USP50: variants seen among roughly 807,000 people sequenced by gnomAD.
USP50 encodes ubiquitin specific peptidase 50, also known as ubiquitin carboxyl-terminal hydrolase 50.
USP50 carries 37 observed loss-of-function variants against 39.2 expected under a neutral mutation model. The ratio of observed to expected loss-of-function variants is 0.94; its 90% CI spans 0.73 to 1.24. The LOEUF is 1.24. USP50 is among the 50% of genes most tolerant of loss of function. The pLI, the probability that USP50 is intolerant of heterozygous loss-of-function variation, is 0.00. For missense variants in USP50, 374 were observed against 398.2 expected, an observed-to-expected ratio of 0.94 and a Z score of 0.52; for synonymous variants, 139 against 144.5, an observed-to-expected ratio of 0.96 and a Z score of 0.27.
chr15:50,495,944 G>A (rs1265483948), downstream of USP50: 1 of 1,613,818 alleles, frequency 6.2e-7, no homozygotes, highest in Non-Finnish European at 8.5e-7. Context: ...GCAGCTCAAT[G>A]AGTCTATTAT....
At chr15:50,525,728 TGTATATGTATATA>T (rs1356604965) in intron 6 of USP50, among the ~76,000 whole-genome samples, 50 of 81,470 alleles carry the variant, frequency 6.1e-4, no homozygotes, top group African/African-American at 2.6e-3. Flanking sequence ...TATGTATATA[TGTATATGTATATA>T]ATCTCTCAAA....
chr15:50,530,856 C>A lies in USP50; in HGVS notation c.804-927G>T, dbSNP rs916079067. On this transcript the variant is annotated intron_variant, in intron 5 of 6. Coordinates refer to ENST00000532404, the MANE Select transcript of USP50 (RefSeq NM_203494.5). ...TTTGCTCCAGCTGAGCCTATTTATTCTAACCAAGCTAGCTCAGCTTTTCCT... is the reference window on the plus strand; with the variant it reads ...TTTGCTCCAGCTGAGCCTATTTATTATAACCAAGCTAGCTCAGCTTTTCCT... 3.9e-5 allele frequency among the ~76,000 whole-genome samples: 6 copies of A among 152,244 alleles called. No individual in the cohort carries two copies. The South Asian group carries it at 1.0e-3, about 26-fold the overall frequency.
chr15:50,520,105 A>C (rs1377844351), intron 6 of USP50, among the ~76,000 whole-genome samples: 1 of 152,020 alleles, frequency 6.6e-6, no homozygotes, highest in Non-Finnish European at 1.5e-5. Context: ...CAGTAATTGG[A>C]GACCAGCTAG....
chr15:50,515,960 C>CT (rs2052800434), intron 6 of USP50, among the ~76,000 whole-genome samples: 1 of 152,044 alleles, frequency 6.6e-6, no homozygotes, highest in Non-Finnish European at 1.5e-5. Flanking sequence ...TGTACTAAAG[C>CT]TAACGTATCA....
chr15:50,527,648 T>G (rs956147589), intron 6 of USP50, among the ~76,000 whole-genome samples: 3 of 151,732 alleles, frequency 2.0e-5, no homozygotes, highest in African/African-American at 7.3e-5. Flanking sequence ...ATTGTTGTTT[T>G]TTTTTTTTTG....
At chr15:50,544,482 CTTGT>C (rs1047228992) in intron 2 of USP50, 101 bp downstream of exon 2, 16 of 1,121,212 alleles carry the variant, frequency 1.4e-5, no homozygotes, top group African/African-American at 1.3e-4. Flanking sequence ...CCTCTACTGA[CTTGT>C]TTGTTTATCT....
At chr15:50,535,939 T>C in intron 5 of USP50, among the ~76,000 whole-genome samples, 1 of 152,096 alleles carries the variant, frequency 6.6e-6, no homozygotes, top group Non-Finnish European at 1.5e-5. Flanking sequence ...ATACCCATCA[T>C]GATAAAAACT....
At chr15:50,516,661 G>A (rs945373451) in intron 6 of USP50, among the ~76,000 whole-genome samples, 1 of 151,856 alleles carries the variant, frequency 6.6e-6, no homozygotes, top group Non-Finnish European at 1.5e-5. Context: ...AGCTACGAGA[G>A]GCAGTAGGGA....
chr15:50,530,877 T>C (rs2052935265), intron 5 of USP50, among the ~76,000 whole-genome samples: 1 of 152,162 alleles, frequency 6.6e-6, no homozygotes. Flanking sequence ...AGCTCAGCTT[T>C]TCCTTATCTT....
chr15:50,493,283 A>AT (rs1247934747), downstream of USP50: 12 of 514,228 alleles, frequency 2.3e-5, no homozygotes, highest in East Asian at 4.3e-4. Context: ...GAATTTTGGA[A>AT]TATTTGACGT....
chr15:50,532,704 A>G (rs1242619037), intron 5 of USP50, among the ~76,000 whole-genome samples: 1 of 152,190 alleles, frequency 6.6e-6, no homozygotes, highest in Non-Finnish European at 1.5e-5. Flanking sequence ...AGAATTTAAA[A>G]CTGATCAACA....
intron 6 of USP50, among the ~76,000 whole-genome samples, chr15:50,523,670 G>C (rs944295603): frequency 6.6e-6 from 1 of 152,012 alleles, no homozygotes; most frequent in Non-Finnish European, 1.5e-5. Flanking sequence ...CTGTGTTCTT[G>C]GATTTGAAAA....
intron 6 of USP50, among the ~76,000 whole-genome samples, chr15:50,527,964 T>G (rs891956043): frequency 3.9e-5 from 6 of 152,108 alleles, no homozygotes; most frequent in Non-Finnish European, 7.3e-5. Flanking sequence ...TTACCTCTGA[T>G]GAATCTTCAA....
chr15:50,495,879 A>T, downstream of USP50: 1 of 1,613,866 alleles, frequency 6.2e-7, no homozygotes, highest in Non-Finnish European at 8.5e-7. Flanking sequence ...AAAGAAGAAA[A>T]TAATGATCAT....
At chr15:50,496,367 G>A (rs1394852705), downstream of USP50, among the ~76,000 whole-genome samples, 4 of 151,664 alleles carry the variant, frequency 2.6e-5, no homozygotes, top group Non-Finnish European at 2.9e-5. Context: ...TGTAGTCCCC[G>A]CTACTCAGGA....
chr15:50,495,292 ATACATATATAC>A lies in USP50; in HGVS notation n.185-1173_185-1163del, dbSNP rs1416345414. On this transcript the variant is annotated intron_variant and non_coding_transcript_variant, in intron 1 of 1. Coordinates refer to the USP50 transcript ENST00000560159. ...TACACATATATATACACATACATAT[ATACATATATAC>A]GTGTATATATACATACATATATACA... Among the ~76,000 whole-genome samples the A allele has an allele frequency of 3.1e-3, 102 of 32,992 alleles. 2 individuals are homozygous for A. The highest frequency in any genetic ancestry group is 9.3e-3 in the African/African-American group (99 of 10,616). 21.6% of individuals were successfully genotyped at this position (32,992 alleles called of 152,430 possible). A position where few individuals can be genotyped will look rare whatever the true frequency, so the allele number is the denominator to read the frequency against.
chr15:50,510,969 G>T (rs1413786278), intron 6 of USP50: 1 of 152,030 alleles, frequency 6.6e-6, no homozygotes, highest in Non-Finnish European at 1.5e-5. Flanking sequence ...TAGTAGAGAC[G>T]GGGTTTCACC....
At chr15:50,511,480 T>C (rs1184666010) in intron 6 of USP50, 1 of 152,194 alleles carries the variant, frequency 6.6e-6, no homozygotes, top group African/African-American at 2.4e-5. Context: ...TAAATGTTCA[T>C]AGCAGCATTA....
At chr15:50,513,722 T>C (rs1276449012) in intron 6 of USP50, 4 of 152,074 alleles carry the variant, frequency 2.6e-5, no homozygotes, top group African/African-American at 7.2e-5. Flanking sequence ...GCCATTCTAC[T>C]ATATGGGCAA....
Sources: gnomAD v4.1 joint callset for allele counts (sites outside exome capture counted in the v4.1 genomes callset) on GRCh38, gnomAD v4.1.1 for gene constraint, MANE v1.5 for transcripts, NCBI Gene and HGNC (gene_info 2026-07-23, HGNC 2026-07-21) for gene names.